KCNIP4: variants seen among roughly 807,000 people sequenced by gnomAD.
KCNIP4 encodes potassium voltage-gated channel interacting protein 4, also known as Kv channel-interacting protein 4.
In KCNIP4, 12 loss-of-function variants were observed where a neutral mutation model predicts 34.0. That is an observed-to-expected ratio of 0.35 (90% CI 0.23 to 0.57). The LOEUF is 0.57. Among genes scored for constraint, KCNIP4 ranks in the 20% least tolerant of loss-of-function variants. The pLI, the probability that KCNIP4 is intolerant of heterozygous loss-of-function variation, is 0.83. For missense variants in KCNIP4, 238 were observed against 311.7 expected, an observed-to-expected ratio of 0.76 and a Z score of 1.78; for synonymous variants, 124 against 102.2, an observed-to-expected ratio of 1.21 and a Z score of -1.29.
chr4:20,853,953 A>T (rs943737372), intron 2 of KCNIP4, among the ~76,000 whole-genome samples: 4 of 152,174 alleles, frequency 2.6e-5, no homozygotes, highest in African/African-American at 9.7e-5. Context: ...ATACTGCCTT[A>T]CTCCTCCAAC....
chr4:21,465,670 T>C (rs1320468356), intron 1 of KCNIP4, among the ~76,000 whole-genome samples: 2 of 152,204 alleles, frequency 1.3e-5, no homozygotes, highest in Non-Finnish European at 2.9e-5. Context: ...CTCAGTCTTT[T>C]AATTTGGAGA....
At chr4:21,757,267 GA>G (rs777446099) in intron 1 of KCNIP4, among the ~76,000 whole-genome samples, 6 of 69,414 alleles carry the variant, frequency 8.6e-5, no homozygotes, top group Non-Finnish European at 8.4e-5. Flanking sequence ...GAAAAGAAAA[GA>G]AAAGAAAAGA....
At chr4:21,843,334 C>T (rs911935003) in intron 1 of KCNIP4, 7 of 151,940 alleles carry the variant, frequency 4.6e-5, no homozygotes, top group Admixed American at 1.3e-4. Context: ...ATTTTCATTT[C>T]CATTTTGCAG....
rs368524172 is a variant in KCNIP4, at chr4:21,748,559, T to A, written c.61+200012A>T. ...TGGTTTACCTTTCAGTTCTTTATTATAGGAGCTTTCTTGCCTAAAGGGTGG... is the reference window on the plus strand; with the variant it reads ...TGGTTTACCTTTCAGTTCTTTATTAAAGGAGCTTTCTTGCCTAAAGGGTGG... On this transcript the variant is annotated intron_variant, in intron 1 of 8. Transcript: ENST00000382152. Among the ~76,000 whole-genome samples the A allele has an allele frequency of 1.2e-4, 18 of 152,298 alleles. No homozygotes were observed. In the East Asian group the frequency reaches 2.3e-3, roughly 20 times the overall value.
chr4:21,009,130 T>C (rs1738838284), intron 1 of KCNIP4, among the ~76,000 whole-genome samples: 2 of 152,324 alleles, frequency 1.3e-5, no homozygotes, highest in South Asian at 2.1e-4. Flanking sequence ...GAAAATCCGA[T>C]TAAAAGTGTA....
rs550807317 is a variant in KCNIP4, at chr4:21,042,868, T to C, written c.62-160159A>G. Among the ~76,000 whole-genome samples the C allele has an allele frequency of 5.3e-5, 8 of 152,164 alleles. No individual in the cohort carries two copies. In the South Asian group the frequency reaches 1.2e-3, roughly 24 times the overall value. On this transcript the variant is annotated intron_variant, in intron 1 of 8. Transcript: ENST00000382152. Reference sequence around the variant, plus strand: ...TGTCTCCATTATGCGATAATTTTCTTTGGGGGAAAAAAAGGATAATAAACA... The same window carrying C: ...TGTCTCCATTATGCGATAATTTTCTCTGGGGGAAAAAAAGGATAATAAACA...
rs191993551 is a variant in KCNIP4, at chr4:21,627,869, C to T, written c.61+320702G>A. Among the ~76,000 whole-genome samples, 82 of 151,924 alleles carry T rather than the reference C, an allele frequency of 5.4e-4. No individual in the cohort carries two copies. The East Asian group carries it at 0.012, about 23-fold the overall frequency. ...ACATGAGAATGATGTAGGAATGGTG[C>T]GGTTATATTATGAAAGTTGAGTGTA... is the stretch of plus-strand genomic sequence containing the variant. On this transcript the variant is annotated intron_variant, in intron 1 of 8. Transcript: ENST00000382152.
intron 1 of KCNIP4, among the ~76,000 whole-genome samples, chr4:21,129,474 T>C (rs1750895215): frequency 6.6e-6 from 1 of 152,196 alleles, no homozygotes; most frequent in African/African-American, 2.4e-5. Flanking sequence ...GAAGACAGAA[T>C]TTCAGAAAAC....
intron 1 of KCNIP4, among the ~76,000 whole-genome samples, chr4:21,058,760 G>A (rs1560684616): frequency 6.6e-6 from 1 of 152,048 alleles, no homozygotes. Context: ...CTCTAGAACT[G>A]AAGACATGTA....
chr4:21,637,409 C>A (rs763744043), intron 1 of KCNIP4, among the ~76,000 whole-genome samples: 1 of 152,172 alleles, frequency 6.6e-6, no homozygotes, highest in Non-Finnish European at 1.5e-5. Flanking sequence ...CTGTGCTAAG[C>A]AACTTACCTG....
chr4:20,781,234 A>G (rs1250367306), intron 3 of KCNIP4, among the ~76,000 whole-genome samples: 3 of 152,258 alleles, frequency 2.0e-5, no homozygotes, highest in African/African-American at 7.2e-5. Context: ...CAAACACATT[A>G]GAATTTTCAA....
At chr4:20,792,498 A>T (rs1465507168) in intron 3 of KCNIP4, among the ~76,000 whole-genome samples, 1 of 152,218 alleles carries the variant, frequency 6.6e-6, no homozygotes, top group East Asian at 1.9e-4. Flanking sequence ...AATAAAAGGC[A>T]ATGATTGTCA....
intron 1 of KCNIP4, among the ~76,000 whole-genome samples, chr4:21,373,444 C>T (rs1720675051): frequency 6.8e-6 from 1 of 147,556 alleles, no homozygotes; most frequent in Non-Finnish European, 1.5e-5. Context: ...GAGAGACTTA[C>T]AGAAGTTTGT....
At chr4:21,165,862 G>A (rs1173352150) in intron 1 of KCNIP4, among the ~76,000 whole-genome samples, 1 of 152,172 alleles carries the variant, frequency 6.6e-6, no homozygotes, top group Non-Finnish European at 1.5e-5. Flanking sequence ...TTTAAGAGAT[G>A]ACTTGGCCAT....
intron 1 of KCNIP4, among the ~76,000 whole-genome samples, chr4:21,467,067 AAAAC>A (rs796331176): frequency 8.7e-5 from 10 of 114,814 alleles, no homozygotes; most frequent in Non-Finnish European, 1.6e-4. Context: ...AAACCAAACC[AAAAC>A]AAACACACAC....
intron 1 of KCNIP4, among the ~76,000 whole-genome samples, chr4:21,356,326 T>G (rs1718590631): frequency 6.6e-6 from 1 of 152,082 alleles, no homozygotes; most frequent in African/African-American, 2.4e-5. Flanking sequence ...GCCAGGGCAA[T>G]CAGGCAAGAG....
intron 1 of KCNIP4, among the ~76,000 whole-genome samples, chr4:21,340,337 T>G (rs1716630531): frequency 6.6e-6 from 1 of 152,306 alleles, no homozygotes; most frequent in South Asian, 2.1e-4. Context: ...TTTAAAAACC[T>G]TGTCAGTATT....
At chr4:21,885,547 G>A (rs1009933333) in intron 1 of KCNIP4, among the ~76,000 whole-genome samples, 3 of 152,034 alleles carry the variant, frequency 2.0e-5, no homozygotes, top group East Asian at 3.9e-4. Context: ...TTCTTGCCAC[G>A]GGTTCTATTC....
chr4:21,066,712 G>A (rs1383030279), intron 1 of KCNIP4, among the ~76,000 whole-genome samples: 5 of 152,182 alleles, frequency 3.3e-5, no homozygotes, highest in Non-Finnish European at 7.3e-5. Context: ...CCTAGCCAGA[G>A]GCAAATTGCC....
Sources: allele counts gnomAD v4.1 joint callset (sites outside exome capture counted in the v4.1 genomes callset), GRCh38; gene constraint gnomAD v4.1.1; transcripts MANE v1.5; gene names NCBI Gene and HGNC (gene_info 2026-07-23, HGNC 2026-07-21).